KCNIP4: variants seen among roughly 807,000 people sequenced by gnomAD.
The protein encoded by KCNIP4 is Kv channel-interacting protein 4.
Under a neutral mutation model 34.0 loss-of-function variants are expected in KCNIP4, and 12 were observed. The observed-to-expected ratio is 0.35, with a 90% CI of 0.23 to 0.57. The LOEUF (loss-of-function observed/expected upper bound fraction) is 0.57. Among genes scored for constraint, KCNIP4 ranks in the 20% least tolerant of loss-of-function variants. KCNIP4 has a pLI of 0.83. For synonymous variants in KCNIP4, 124 were observed against 102.2 expected (o/e 1.21, Z -1.29); for missense variants, 238 against 311.7 (o/e 0.76, Z 1.78).
intron 1 of KCNIP4, among the ~76,000 whole-genome samples, chr4:21,386,847 T>A (rs1406280232): frequency 1.3e-5 from 2 of 152,142 alleles, no homozygotes; most frequent in African/African-American, 4.8e-5. Context: ...TAGCTGCCTA[T>A]CTAGCCTCAA....
chr4:21,730,475 C>G (rs956579824), intron 1 of KCNIP4, among the ~76,000 whole-genome samples: 1 of 152,116 alleles, frequency 6.6e-6, no homozygotes, highest in African/African-American at 2.4e-5. Flanking sequence ...GAGCTGCTTA[C>G]TGGGCTGGTT....
chr4:20,794,145 G>A (rs538625157), intron 3 of KCNIP4, among the ~76,000 whole-genome samples: 2 of 152,262 alleles, frequency 1.3e-5, no homozygotes, highest in Non-Finnish European at 2.9e-5. Flanking sequence ...GTGGAAGTGT[G>A]AGCCCATTAA....
At chr4:21,338,158 G>T (rs561347265) in intron 1 of KCNIP4, among the ~76,000 whole-genome samples, 3 of 151,238 alleles carry the variant, frequency 2.0e-5, no homozygotes, top group Admixed American at 6.6e-5. Context: ...TTTTTAACTC[G>T]GGAGGCTGAG....
chr4:21,605,778 C>T (rs756040332), intron 1 of KCNIP4, among the ~76,000 whole-genome samples: 2 of 152,170 alleles, frequency 1.3e-5, no homozygotes, highest in South Asian at 2.1e-4. Flanking sequence ...CTGTGCCTGG[C>T]GTACAATGGT....
At chr4:21,479,669 G>A (rs1010589027) in intron 1 of KCNIP4, among the ~76,000 whole-genome samples, 1 of 151,964 alleles carries the variant, frequency 6.6e-6, no homozygotes, top group Non-Finnish European at 1.5e-5. Flanking sequence ...TAAATGGGTG[G>A]CAATTATTTC....
chr4:21,294,971 G>T (rs964388774), intron 1 of KCNIP4, among the ~76,000 whole-genome samples: 2 of 152,080 alleles, frequency 1.3e-5, no homozygotes, highest in Non-Finnish European at 2.9e-5. Flanking sequence ...TACCTCTACT[G>T]TCACAATATT....
chr4:21,906,817 A>T (rs1178979476), intron 1 of KCNIP4, among the ~76,000 whole-genome samples: 1 of 152,080 alleles, frequency 6.6e-6, no homozygotes, highest in Non-Finnish European at 1.5e-5. Context: ...ACATCTTTTT[A>T]CATACATCAA....
chr4:21,512,156 G>A (rs1171099885), intron 1 of KCNIP4, among the ~76,000 whole-genome samples: 1 of 75,456 alleles, frequency 1.3e-5, no homozygotes, highest in African/African-American at 4.6e-5. Flanking sequence ...AAGCAAGGGA[G>A]GGAGGGAGGG....
intron 1 of KCNIP4, among the ~76,000 whole-genome samples, chr4:21,545,658 G>T (rs1187580132): frequency 6.6e-6 from 1 of 152,132 alleles, no homozygotes; most frequent in Non-Finnish European, 1.5e-5. Context: ...TCCTGTGTTA[G>T]TTTGCTGAGA....
At position 21,119,842 on chromosome 4, in the gene KCNIP4, T is replaced by C. The variant is rs1051856086; in HGVS notation, c.62-237133A>G. Among the ~76,000 whole-genome samples the C allele has an allele frequency of 2.6e-5, 4 of 152,036 alleles. No homozygotes were observed. In the East Asian group the frequency reaches 7.8e-4, roughly 30 times the overall value. On this transcript the variant is annotated intron_variant, in intron 1 of 8. Coordinates refer to ENST00000382152, the MANE Select transcript of KCNIP4 (RefSeq NM_025221.6). ...ATTAAAGTTGGGGTAAATTAATTAG[T>C]AAAAGGTGCTAGAGTTGTGTGTGCT...
intron 3 of KCNIP4, among the ~76,000 whole-genome samples, chr4:20,829,430 A>G (rs770023539): frequency 6.6e-6 from 1 of 151,990 alleles, no homozygotes; most frequent in Non-Finnish European, 1.5e-5. Flanking sequence ...GATGGTCTCA[A>G]TCTTCTGACC....
intron 1 of KCNIP4, among the ~76,000 whole-genome samples, chr4:21,272,588 C>A (rs1394944187): frequency 6.6e-6 from 1 of 152,100 alleles, no homozygotes; most frequent in Admixed American, 6.6e-5. Context: ...TAGTTTCCTT[C>A]TTCGTGTAGA....
At chr4:21,615,694 C>T (rs1308745909) in intron 1 of KCNIP4, among the ~76,000 whole-genome samples, 1 of 152,204 alleles carries the variant, frequency 6.6e-6, no homozygotes, top group Non-Finnish European at 1.5e-5. Flanking sequence ...TGCCCCATCC[C>T]TAAATCTGCT....
rs1221945521 is a variant in KCNIP4, at chr4:21,924,174, C to G, written c.61+24397G>C. The stretch of plus-strand genomic sequence containing the variant: ...AAGAAAGAAAAATAAACTCCTTTAA[C>G]TGAATAGTAATATAACCACAAATGG... On this transcript the variant is annotated intron_variant, in intron 1 of 8. Coordinates refer to ENST00000382152, the MANE Select transcript of KCNIP4 (RefSeq NM_025221.6). Among the ~76,000 whole-genome samples the G allele has an allele frequency of 2.0e-5, 3 of 151,528 alleles. No individual in the cohort carries two copies. In the East Asian group the frequency reaches 5.8e-4, roughly 29 times the overall value.
intron 1 of KCNIP4, among the ~76,000 whole-genome samples, chr4:21,770,121 C>T (rs900766815): frequency 1.3e-5 from 2 of 152,058 alleles, no homozygotes; most frequent in African/African-American, 4.8e-5. Flanking sequence ...CCTCCCCTCA[C>T]CCCCTAACCC....
At chr4:21,263,235 ATATTTTATTAAATCCT>A (rs983140401) in intron 1 of KCNIP4, among the ~76,000 whole-genome samples, 4 of 152,218 alleles carry the variant, frequency 2.6e-5, no homozygotes, top group African/African-American at 9.6e-5. Flanking sequence ...TAGAGACACA[ATATTTTATTAAATCCT>A]AGCAAACAGC....
chr4:21,810,917 C>A (rs1452413544), intron 1 of KCNIP4, among the ~76,000 whole-genome samples: 2 of 152,120 alleles, frequency 1.3e-5, no homozygotes, highest in African/African-American at 4.8e-5. Context: ...GTGCTCATTG[C>A]AAAATGGGGA....
At chr4:21,373,866 G>A (rs1361168491) in intron 1 of KCNIP4, among the ~76,000 whole-genome samples, 3 of 146,422 alleles carry the variant, frequency 2.0e-5, no homozygotes, top group Admixed American at 2.0e-4. Context: ...TCCATACCCA[G>A]CAAATTTTTT....
At chr4:21,937,121 C>A (rs557620411) in intron 1 of KCNIP4, among the ~76,000 whole-genome samples, 2 of 152,172 alleles carry the variant, frequency 1.3e-5, no homozygotes, top group South Asian at 2.1e-4. Context: ...CAATGCTGGA[C>A]GTGTAATAAA....
Sources: allele counts gnomAD v4.1 joint callset (sites outside exome capture counted in the v4.1 genomes callset), GRCh38; gene constraint gnomAD v4.1.1; transcripts MANE v1.5; gene names NCBI Gene and HGNC (gene_info 2026-07-23, HGNC 2026-07-21).